PTPN4: variants seen among roughly 807,000 people sequenced by gnomAD.
PTPN4 encodes the protein tyrosine-protein phosphatase non-receptor type 4.
PTPN4 carries 49 observed loss-of-function variants against 135.5 expected under a neutral mutation model. The ratio of observed to expected loss-of-function variants is 0.36; its 90% CI spans 0.29 to 0.46. PTPN4 has a LOEUF of 0.46. PTPN4 is among the 20% of genes least tolerant of loss of function. PTPN4 has a pLI of 1.00. For synonymous variants in PTPN4, 333 were observed against 369.9 expected (o/e 0.90, Z 1.14); for missense variants, 860 against 1,101.0 (o/e 0.78, Z 3.10).
At chr2:119,797,619 T>C (rs1235636875) in intron 1 of PTPN4, among the ~76,000 whole-genome samples, 1 of 152,212 alleles carries the variant, frequency 6.6e-6, no homozygotes, top group Non-Finnish European at 1.5e-5. Flanking sequence ...CCATCTTTCT[T>C]GTGCTTTCTT....
intron 2 of PTPN4, among the ~76,000 whole-genome samples, chr2:119,826,583 T>C (rs1264041438): frequency 6.6e-6 from 1 of 152,230 alleles, no homozygotes; most frequent in Non-Finnish European, 1.5e-5. Context: ...CCAAGGATGC[T>C]GCTAAACTTC....
chr2:119,922,788 A>G (rs538487707), intron 12 of PTPN4, among the ~76,000 whole-genome samples: 1 of 152,320 alleles, frequency 6.6e-6, no homozygotes, highest in African/African-American at 2.4e-5. Context: ...AAATTAATTC[A>G]TCTGGGGCAG....
chr2:119,762,632 A>G (rs1241236549), intron 1 of PTPN4, among the ~76,000 whole-genome samples: 1 of 152,156 alleles, frequency 6.6e-6, no homozygotes. Context: ...CTTTTAAACA[A>G]GAAAAGTTTT....
At chr2:119,844,476 G>A (rs1026405160) in intron 2 of PTPN4, among the ~76,000 whole-genome samples, 5 of 147,448 alleles carry the variant, frequency 3.4e-5, no homozygotes, top group Admixed American at 6.7e-5. Context: ...GCCGGGCGGA[G>A]GGGCTCCTCA....
At chr2:119,940,745 G>A (rs751650336) in intron 15 of PTPN4, among the ~76,000 whole-genome samples, 57 of 152,192 alleles carry the variant, frequency 3.7e-4, no homozygotes, top group Middle Eastern at 3.4e-3. Flanking sequence ...CAAGAATATA[G>A]TTTTTGTTTT....
chr2:119,954,725 G>A (rs566184640), intron 19 of PTPN4, among the ~76,000 whole-genome samples: 1 of 152,232 alleles, frequency 6.6e-6, no homozygotes, highest in African/African-American at 2.4e-5. Flanking sequence ...TTGTTTTGTA[G>A]ATACATCACA....
intron 2 of PTPN4, among the ~76,000 whole-genome samples, chr2:119,850,651 G>A (rs536445990): frequency 6.0e-4 from 91 of 152,302 alleles, no homozygotes; most frequent in Non-Finnish European, 9.1e-4. Context: ...GTGCCACAGG[G>A]TCTTGCTGAT....
chr2:119,949,493 T>G (rs986813190), intron 18 of PTPN4, among the ~76,000 whole-genome samples: 2 of 152,156 alleles, frequency 1.3e-5, no homozygotes, highest in South Asian at 2.1e-4. Flanking sequence ...GTTATGATTC[T>G]CTTTCTGTTT....
intron 2 of PTPN4, among the ~76,000 whole-genome samples, chr2:119,820,512 C>T (rs1677050162): frequency 6.6e-6 from 1 of 152,108 alleles, no homozygotes; most frequent in African/African-American, 2.4e-5. Context: ...TCAAGAATCC[C>T]CCAAGGAAGC....
Position 119,900,722 on chromosome 2 carries a change from A to G in PTPN4, c.680A>G (p.Gln227Arg). 6.4e-7 allele frequency: 1 copy of G among 1,559,066 alleles called. No homozygotes were observed. The highest frequency in any genetic ancestry group is 1.9e-5 in the Admixed American group (1 of 53,430). ...TTTTATTCATTTTTTTTGAAGGATC[A>G]GAGTAACAATGAAATTATGATTGGA... ...YGVEFHYARD[Q>R]SNNEIMIGVM... Residue 227 changes from glutamine to arginine, a missense_variant, in exon 10 of 27, where the codon CAG becomes CGG. Physicochemically the swap from Gln to Arg is conservative, Grantham distance 43. This residue lies in a region of PTPN4 where 684 missense variants were observed against 807.0 expected (regional missense o/e 0.85). Transcript: ENST00000263708.
chr2:119,895,595 C>T (rs1451688340), intron 9 of PTPN4, among the ~76,000 whole-genome samples: 2 of 151,696 alleles, frequency 1.3e-5, no homozygotes, highest in African/African-American at 2.4e-5. Flanking sequence ...GTCGAGATCG[C>T]GCCACTGGAC....
chr2:119,925,058 C>T (rs1439253303), intron 12 of PTPN4, among the ~76,000 whole-genome samples: 1 of 152,128 alleles, frequency 6.6e-6, no homozygotes, highest in African/African-American at 2.4e-5. Flanking sequence ...GTTTCCCTGA[C>T]TGAACTCTGA....
intron 2 of PTPN4, among the ~76,000 whole-genome samples, chr2:119,827,087 A>C (rs1413049965): frequency 6.6e-6 from 1 of 152,172 alleles, no homozygotes; most frequent in Non-Finnish European, 1.5e-5. Flanking sequence ...CTTCTTCAGA[A>C]AGTTGAGTCA....
chr2:119,883,898 G>T (rs1454191617), intron 8 of PTPN4, among the ~76,000 whole-genome samples: 1 of 152,098 alleles, frequency 6.6e-6, no homozygotes, highest in Non-Finnish European at 1.5e-5. Flanking sequence ...TCTAAAACAG[G>T]ATAACAAACC....
At chr2:119,764,930 A>G (rs990564562) in intron 1 of PTPN4, among the ~76,000 whole-genome samples, 3 of 152,220 alleles carry the variant, frequency 2.0e-5, no homozygotes, top group Admixed American at 2.0e-4. Context: ...TAATGGGAAC[A>G]TTGTATGGTG....
intron 12 of PTPN4, among the ~76,000 whole-genome samples, chr2:119,923,657 CTT>C (rs1042432120): frequency 1.3e-5 from 2 of 151,808 alleles, no homozygotes; most frequent in African/African-American, 4.8e-5. Context: ...AAAAAAATAA[CTT>C]TTTATCAGGT....
At chr2:119,800,051 C>T (rs183095553) in intron 1 of PTPN4, among the ~76,000 whole-genome samples, 28 of 152,092 alleles carry the variant, frequency 1.8e-4, no homozygotes, top group Admixed American at 1.6e-3. Flanking sequence ...GGAGATAATA[C>T]CTTATTAAAG....
At chr2:119,960,979 T>C in intron 23 of PTPN4, 26 bp downstream of exon 23, 1 of 1,598,990 alleles carries the variant, frequency 6.3e-7, no homozygotes, top group Non-Finnish European at 8.5e-7. Flanking sequence ...ATCTTACACA[T>C]TGCTTGGACT....
chr2:119,843,631 C>G lies in PTPN4; in HGVS notation c.139-18905C>G, dbSNP rs1313899453. ...GCCGGGCAGGGGGGCTGACCCCCCCCACCTTCCCTCCCGGACGGGGCGGCT... is the reference window on the plus strand; with the variant it reads ...GCCGGGCAGGGGGGCTGACCCCCCCGACCTTCCCTCCCGGACGGGGCGGCT... On this transcript the variant is annotated intron_variant, in intron 2 of 26. Coordinates refer to ENST00000263708, the MANE Select transcript of PTPN4 (RefSeq NM_002830.4). Among the ~76,000 whole-genome samples, 11 of 89,154 alleles carry G rather than the reference C, an allele frequency of 1.2e-4. 1 individual carries two copies. The highest frequency in any genetic ancestry group is 8.1e-4 in the Admixed American group (8 of 9,882). 58.5% of individuals were successfully genotyped at this position (89,154 alleles called of 152,430 possible).
Sources: allele counts gnomAD v4.1 joint callset (sites outside exome capture counted in the v4.1 genomes callset), GRCh38; gene constraint gnomAD v4.1.1; regional missense constraint gnomAD v4.1.1; transcripts MANE v1.5; gene names NCBI Gene and HGNC (gene_info 2026-07-23, HGNC 2026-07-21).